Variants in CSPG4 observed in about 807,000 individuals in gnomAD.
The protein encoded by CSPG4 is chondroitin sulfate proteoglycan 4 (melanoma-associated).
CSPG4 carries 74 observed loss-of-function variants against 139.3 expected under a neutral mutation model. That is an observed-to-expected ratio of 0.53 (90% confidence interval 0.44 to 0.64). CSPG4 has a LOEUF of 0.64. Among genes scored for constraint, CSPG4 ranks in the 30% least tolerant of loss-of-function variants. The probability of loss-of-function intolerance (pLI) is 0.00; values close to 1 mark genes in which losing one functional copy is unlikely to be tolerated. For synonymous variants in CSPG4, 1,234 were observed against 1,394.2 expected (o/e 0.89, Z 2.56); for missense variants, 2,565 against 3,148.3 (o/e 0.81, Z 4.43).
intron 2 of CSPG4, among the ~76,000 whole-genome samples, chr15:75,691,098 C>T (rs1178570532): frequency 2.0e-5 from 3 of 152,168 alleles, no homozygotes; most frequent in Non-Finnish European, 2.9e-5. Context: ...TGCTTGAACT[C>T]GGGAGGTGGA....
Position 75,688,088 on chromosome 15 carries a change from C to T in CSPG4, c.2977G>A (p.Glu993Lys), listed in dbSNP as rs1387915856. The stretch of plus-strand genomic sequence containing the variant: ...TCCCAGGCCATGTCACCACTGCTCT[C>T]GCCCTGGCGGGTAGCAACAAATGGG... ...DIPFVATRQG[E>K]SSGDMAWEEV... The change falls in exon 3 of 10, where the codon GAG (glutamate) becomes AAG (lysine). Residue 993 changes from glutamate to lysine, a missense_variant. This residue lies in a region of CSPG4 where 2,316 missense variants were observed against 2,818.2 expected (regional missense o/e 0.82). Coordinates refer to ENST00000308508, the MANE Select transcript of CSPG4 (RefSeq NM_001897.5). 2.5e-6 allele frequency: 4 copies of T among 1,612,870 alleles called. No homozygotes were observed. The highest frequency in any genetic ancestry group is 4.5e-5 in the East Asian group (2 of 44,888).
In CSPG4 at chr15:75,684,842, G is replaced by A. The variant is rs1002710719; in HGVS notation, c.4343C>T (p.Ala1448Val). Residue 1448 changes from alanine to valine, a missense_variant, in exon 5 of 10, where the codon GCT becomes GTT. Ala to Val is a moderately conservative substitution (Grantham distance 64). This residue lies in a region of CSPG4 where 2,316 missense variants were observed against 2,818.2 expected (regional missense o/e 0.82). Transcript: ENST00000308508. ...CTGGCGATCCATCTCGGAGGCATTA[G>A]CCATCAGGACAAAACTGTCTGTCAG... ...ETLTDSFVLM[A>V]NASEMDRQSH... 6.2e-7 allele frequency: 1 copy of A among 1,613,654 alleles called. No homozygotes were observed. Among genetic ancestry groups the A allele is most frequent in the Admixed American group, 1.7e-5 (1 of 60,006 alleles).
Position 75,682,737 on chromosome 15 carries a change from G to A in CSPG4, c.4653C>T (p.Thr1551=), listed in dbSNP as rs751712851. The change falls in exon 7 of 10, where the codon ACC becomes ACT. Residue 1551 remains threonine (T), a synonymous_variant. Transcript: ENST00000308508. The part of the protein sequence containing the change: ...GGLVLFSHRG[T]LDGGFRFRLS... ...GGCGGAAGCGGAAGCCTCCATCCAG[G>A]GTTCCTGGGGACAGGGGCATTGGGT... 2 of 1,612,794 alleles carry A rather than the reference G, an allele frequency of 1.2e-6. No individual in the cohort carries two copies. Among genetic ancestry groups the A allele is most frequent in the East Asian group, 2.2e-5 (1 of 44,876 alleles).
chr15:75,693,241 A>G lies in CSPG4; in HGVS notation c.89-8T>C, dbSNP rs1894188498. 6.3e-7 allele frequency: 1 copy of G among 1,582,612 alleles called. No individual in the cohort carries two copies. The highest frequency in any genetic ancestry group is 1.2e-5 in the South Asian group (1 of 85,540). On this transcript the variant is annotated splice_polypyrimidine_tract_variant and splice_region_variant and intron_variant, in intron 1 of 9. Coordinates refer to ENST00000308508, the MANE Select transcript of CSPG4 (RefSeq NM_001897.5). ...TCTCACCGAAGAAGGAAGCTGTGTG[A>G]GAGAGGGAGCTGTGGTCAAGGCTCA...
chr15:75,677,667 C>T (rs773343413), intron 9 of CSPG4, 36 bp downstream of exon 9: 9 of 1,560,672 alleles, frequency 5.8e-6, no homozygotes, highest in Non-Finnish European at 6.9e-6. Context: ...CCCATTGTCC[C>T]TCCCCACAAT....
intron 4 of CSPG4, 81 bp from the exon 5 acceptor site, chr15:75,684,993 TC>T (rs2141426190): frequency 7.1e-7 from 1 of 1,417,508 alleles, no homozygotes; most frequent in African/African-American, 1.4e-5. Context: ...GGAGACTGAC[TC>T]TTTTAGGGCT....
chr15:75,685,187 C>T, intron 4 of CSPG4, 32 bp downstream of exon 4: 1 of 1,509,676 alleles, frequency 6.6e-7, no homozygotes, highest in Non-Finnish European at 8.8e-7. Flanking sequence ...CAGAGCTGGG[C>T]TGCAGCCCCT....
At chr15:75,678,079 C>T (rs1255938974) in intron 8 of CSPG4, among the ~76,000 whole-genome samples, 193 bp from the exon 9 acceptor site, 1 of 152,196 alleles carries the variant, frequency 6.6e-6, no homozygotes, top group Non-Finnish European at 1.5e-5. Context: ...GCTCTGGAGC[C>T]GGAGCCTGGG....
At chr15:75,705,307 T>C (rs921919631) in intron 1 of CSPG4, among the ~76,000 whole-genome samples, 2 of 152,188 alleles carry the variant, frequency 1.3e-5, no homozygotes, top group African/African-American at 2.4e-5. Context: ...TCCTTTTCCA[T>C]GTCACTTAGT....
In CSPG4 at chr15:75,675,351, G is replaced by T; in HGVS notation, c.*199C>A. On this transcript the variant is annotated 3_prime_UTR_variant, in exon 10 of 10. Transcript: ENST00000308508. ...CCCTGCAGTTCTCCAGGCTCGGAGTGAGCTGAGGGAGGTTCCAGCTCTTGA... is the reference window on the plus strand; with the variant it reads ...CCCTGCAGTTCTCCAGGCTCGGAGTTAGCTGAGGGAGGTTCCAGCTCTTGA... 2.1e-6 allele frequency: 1 copy of T among 479,276 alleles called. No homozygotes were observed. Among genetic ancestry groups the T allele is most frequent in the Non-Finnish European group, 3.3e-6 (1 of 299,552 alleles). 29.7% of individuals were successfully genotyped at this position (479,276 alleles called of 1,614,324 possible).
intron 1 of CSPG4, among the ~76,000 whole-genome samples, chr15:75,709,944 G>A (rs1894425990): frequency 6.6e-6 from 1 of 151,794 alleles, no homozygotes; most frequent in Non-Finnish European, 1.5e-5. Flanking sequence ...CTGGCCCCTG[G>A]GCCCTGCCCT....
intron 1 of CSPG4, among the ~76,000 whole-genome samples, chr15:75,700,341 C>A (rs371308066): frequency 6.6e-6 from 1 of 151,916 alleles, no homozygotes; most frequent in Non-Finnish European, 1.5e-5. Context: ...CCCTTCCTGT[C>A]CCCTGGGACT....
rs1555409068 is a variant in CSPG4 at position 75,690,844 on chromosome 15, A to G, written c.253-32T>C. 1.9e-6 allele frequency: 3 copies of G among 1,575,916 alleles called. No individual in the cohort carries two copies. In the Admixed American group the frequency reaches 5.3e-5, roughly 28 times the overall value. On this transcript the variant is annotated intron_variant, in intron 2 of 9. Transcript: ENST00000308508. ...AGAGATGGGGAGTGGGAGATAGTGG[A>G]CAGCACTTTGGATCCATCATTTCCC...
In CSPG4 at chr15:75,674,361, G is replaced by A. The variant is rs1299697584; in HGVS notation, c.*1189C>T. ...CATTTATTTTAATTTTTGTCTTGCA[G>A]CTCTTTGTAGAGGACCTAGCCTTTC... On this transcript the variant is annotated 3_prime_UTR_variant, in exon 10 of 10. Transcript: ENST00000308508. 1 of 210,594 alleles carries A rather than the reference G, an allele frequency of 4.7e-6. No homozygotes were observed. The highest frequency in any genetic ancestry group is 5.9e-5 in the Admixed American group (1 of 16,996). The allele number at this position is 210,594 out of a possible 1,614,324, so 13.0% of individuals were successfully genotyped here.
At position 75,702,031 on chromosome 15, in the gene CSPG4, C is replaced by A. The variant is rs1445869732; in HGVS notation, c.89-8798G>T. 3.9e-5 allele frequency among the ~76,000 whole-genome samples: 6 copies of A among 152,256 alleles called. No homozygotes were observed. The South Asian group carries it at 1.2e-3, about 31-fold the overall frequency. ...AAGGCGGCTGGCCACCGTCCTCGGT[C>A]TGGCTTAATCAATCTCCTGACTCCC... On this transcript the variant is annotated intron_variant, in intron 1 of 9. Transcript: ENST00000308508.
chr15:75,712,232 A>C, intron 1 of CSPG4, among the ~76,000 whole-genome samples: 1 of 148,938 alleles, frequency 6.7e-6, no homozygotes, highest in Non-Finnish European at 1.5e-5. Flanking sequence ...ACCTTGTAGC[A>C]CTCCCCATTC....
rs547709326 is a variant in CSPG4, at chr15:75,685,678, A to T, written c.3813T>A (p.Pro1271=). 2.3e-4 allele frequency: 362 copies of T among 1,600,316 alleles called. No homozygotes were observed. Among genetic ancestry groups the T allele is most frequent in the Non-Finnish European group, 2.9e-4 (340 of 1,177,286 alleles). Residue 1271 remains proline, a synonymous_variant, in exon 4 of 10, where the codon CCT becomes CCA. Transcript: ENST00000308508. ...TCTTCACTGAGAATACGATGTCTGC[A>T]GGTGGCACTGCCTCCTGGGCTGCCT... is the stretch of plus-strand genomic sequence containing the variant. The part of the protein sequence containing the change: ...QLEAAQEAVP[P]ADIVFSVKSP...
At chr15:75,706,672 G>A (rs1316878217) in intron 1 of CSPG4, among the ~76,000 whole-genome samples, 4 of 152,158 alleles carry the variant, frequency 2.6e-5, no homozygotes, top group Admixed American at 2.6e-4. Flanking sequence ...TTGGAGGATG[G>A]GGGAAAAGGG....
In CSPG4 at chr15:75,682,718, A is replaced by G; in HGVS notation, c.4672T>C (p.Phe1558Leu). ...HRGTLDGGFR[F>L]RLSDGEHTSP... ...GTGTGCTCGCCGTCAGAGAGGCGGA[A>G]GCGGAAGCCTCCATCCAGGGTTCCT... Residue 1558 changes from phenylalanine (F) to leucine (L), a missense_variant, in exon 7 of 10, where the codon TTC (phenylalanine) becomes CTC (leucine). By Grantham distance (22) the Phe-to-Leu change is conservative. Coordinates refer to ENST00000308508, the MANE Select transcript of CSPG4 (RefSeq NM_001897.5). The G allele has an allele frequency of 1.2e-6, 2 of 1,612,906 alleles. No individual in the cohort carries two copies. The highest frequency in any genetic ancestry group is 1.7e-6 in the Non-Finnish European group (2 of 1,179,988).
Sources: allele counts gnomAD v4.1 joint callset (sites outside exome capture counted in the v4.1 genomes callset), GRCh38; gene constraint gnomAD v4.1.1; regional missense constraint gnomAD v4.1.1; transcripts MANE v1.5; gene names NCBI Gene and HGNC (gene_info 2026-07-23, HGNC 2026-07-21).